The following TIPARP variants were observed in gnomAD, a reference collection of about 807,000 sequenced individuals.
TIPARP encodes the protein TCDD inducible poly(ADP-ribose) polymerase.
TIPARP carries 12 observed loss-of-function variants against 56.5 expected under a neutral mutation model. The ratio of observed to expected loss-of-function variants is 0.21; its 90% CI spans 0.14 to 0.34. TIPARP has a LOEUF of 0.34. Among genes scored for constraint, TIPARP ranks in the 10% least tolerant of loss-of-function variants. The pLI is 1.00. For synonymous variants in TIPARP, 296 were observed against 265.7 expected, an observed-to-expected ratio of 1.11 and a Z score of -1.11; for missense variants, 604 against 781.6, an observed-to-expected ratio of 0.77 and a Z score of 2.71.
intron 2 of TIPARP, among the ~76,000 whole-genome samples, chr3:156,688,532 G>C (rs961425747): frequency 6.7e-6 from 1 of 149,602 alleles, no homozygotes; most frequent in African/African-American, 2.5e-5. Flanking sequence ...GGCAGTGTTA[G>C]CAAAAATCTT....
chr3:156,684,407 C>G (rs991485895), intron 2 of TIPARP, among the ~76,000 whole-genome samples: 7 of 152,160 alleles, frequency 4.6e-5, no homozygotes, highest in Admixed American at 2.6e-4. Context: ...TTCTGAAGTT[C>G]ACCATTTCTA....
chr3:156,686,761 A>G (rs1248502564), intron 2 of TIPARP, among the ~76,000 whole-genome samples: 1 of 152,180 alleles, frequency 6.6e-6, no homozygotes, highest in Non-Finnish European at 1.5e-5. Context: ...TATTTTTATG[A>G]TAACTATAAC....
At chr3:156,686,972 CATTTTTT>C (rs1484605943) in intron 2 of TIPARP, among the ~76,000 whole-genome samples, 2 of 151,960 alleles carry the variant, frequency 1.3e-5, no homozygotes, top group African/African-American at 4.8e-5. Context: ...ACATGGGAGG[CATTTTTT>C]ATTGTTTACT....
rs1722863933 is a variant in TIPARP at position 156,702,130 on chromosome 3, A to C, written c.1248-1294A>C. 2.0e-5 allele frequency among the ~76,000 whole-genome samples: 3 copies of C among 151,314 alleles called. No individual in the cohort carries two copies. The South Asian group carries it at 6.3e-4, about 32-fold the overall frequency. On this transcript the variant is annotated intron_variant, in intron 4 of 5. Coordinates refer to ENST00000295924, the MANE Select transcript of TIPARP (RefSeq NM_015508.5). ...TCAGGCAAAACTAGGTTGGAATCCT[A>C]GTATCCTGTCGATCACTTTCTAGCC...
In TIPARP at chr3:156,691,128, A is replaced by G. The variant is rs374057572; in HGVS notation, c.918-2892A>G. 3.9e-5 allele frequency among the ~76,000 whole-genome samples: 6 copies of G among 152,170 alleles called. No homozygotes were observed. The South Asian group carries it at 6.2e-4, about 16-fold the overall frequency. The stretch of plus-strand genomic sequence containing the variant: ...AGGTCTCCTTTTCCAACTAGTACCA[A>G]TCCTGTCTCCACCCGTCTTTCAAGA... On this transcript the variant is annotated intron_variant, in intron 2 of 5. Transcript: ENST00000295924.
intron 4 of TIPARP, among the ~76,000 whole-genome samples, chr3:156,699,016 A>C (rs935549461): frequency 6.6e-6 from 1 of 152,202 alleles, no homozygotes; most frequent in Non-Finnish European, 1.5e-5. Context: ...TGTGGTGGCA[A>C]TAGCAAGAGA....
intron 1 of TIPARP, among the ~76,000 whole-genome samples, chr3:156,677,104 T>A (rs898883767): frequency 6.6e-6 from 1 of 152,240 alleles, no homozygotes; most frequent in Admixed American, 6.5e-5. Flanking sequence ...CTTTCTCCCA[T>A]AGAACATTTC....
intron 2 of TIPARP, among the ~76,000 whole-genome samples, chr3:156,682,226 C>G (rs981043314): frequency 3.9e-5 from 6 of 152,114 alleles, no homozygotes; most frequent in Non-Finnish European, 7.4e-5. Context: ...CACATGTGAC[C>G]AATGATTATT....
chr3:156,683,226 C>G (rs1309338800), intron 2 of TIPARP, among the ~76,000 whole-genome samples: 1 of 151,952 alleles, frequency 6.6e-6, no homozygotes, highest in Non-Finnish European at 1.5e-5. Context: ...GTGGCATTCC[C>G]TAAAAATAAT....
intron 4 of TIPARP, among the ~76,000 whole-genome samples, chr3:156,697,305 A>C (rs959532691): frequency 1.3e-5 from 2 of 152,172 alleles, no homozygotes; most frequent in Non-Finnish European, 2.9e-5. Flanking sequence ...CCAATCAAGC[A>C]AGATAGAACT....
chr3:156,683,232 A>G (rs1286800948), intron 2 of TIPARP, among the ~76,000 whole-genome samples: 1 of 152,190 alleles, frequency 6.6e-6, no homozygotes, highest in African/African-American at 2.4e-5. Context: ...TTCCCTAAAA[A>G]TAATTGCATG....
intron 4 of TIPARP, among the ~76,000 whole-genome samples, chr3:156,702,599 C>T (rs927374352): frequency 2.0e-5 from 3 of 152,166 alleles, no homozygotes; most frequent in Non-Finnish European, 4.4e-5. Flanking sequence ...TGAACTAGGT[C>T]TCAGGGTCAG....
chr3:156,683,630 A>G (rs1202869107), intron 2 of TIPARP, among the ~76,000 whole-genome samples: 1 of 152,134 alleles, frequency 6.6e-6, no homozygotes, highest in African/African-American at 2.4e-5. Flanking sequence ...TCTATTTCCT[A>G]TTATACTAGA....
rs1314626498 is a variant in TIPARP, at chr3:156,677,827, G to T, written c.130G>T (p.Asp44Tyr). ...TPLKTCFKKK[D>Y]QKRLGTGTLR... ...ATTGAAGACTTGTTTTAAGAAAAAG[G>T]ATCAGAAAAGATTGGGAACTGGAAC... The change falls in exon 2 of 6, where the codon GAT becomes TAT. Residue 44 changes from aspartate to tyrosine, a missense_variant. This residue lies in a region of TIPARP where 261 missense variants were observed against 279.2 expected (regional missense o/e 0.93). Coordinates refer to ENST00000295924, the MANE Select transcript of TIPARP (RefSeq NM_015508.5). 1 of 1,614,052 alleles carries T rather than the reference G, an allele frequency of 6.2e-7. No individual in the cohort carries two copies. The highest frequency in any genetic ancestry group is 8.5e-7 in the Non-Finnish European group (1 of 1,180,044).
At chr3:156,704,218 C>T (rs528276164) in intron 5 of TIPARP, among the ~76,000 whole-genome samples, 1 of 152,266 alleles carries the variant, frequency 6.6e-6, no homozygotes, top group East Asian at 1.9e-4. Flanking sequence ...AGAAAGCTTA[C>T]TTTGCTGCAG....
chr3:156,694,936 A>G (rs344015), intron 3 of TIPARP, among the ~76,000 whole-genome samples: 145,888 of 152,238 alleles, frequency 0.96, 69,919 homozygotes, highest in Middle Eastern at 0.99. Flanking sequence ...AGCAAAAGAA[A>G]AAAACCTAGT....
At chr3:156,683,487 G>A (rs1217272983) in intron 2 of TIPARP, among the ~76,000 whole-genome samples, 1 of 151,840 alleles carries the variant, frequency 6.6e-6, no homozygotes, top group Non-Finnish European at 1.5e-5. Context: ...AAGCACTTCC[G>A]ATTTTCAGAT....
chr3:156,683,660 A>G (rs1722359330), intron 2 of TIPARP, among the ~76,000 whole-genome samples: 1 of 152,220 alleles, frequency 6.6e-6, no homozygotes, highest in South Asian at 2.1e-4. Flanking sequence ...TTATACTAGA[A>G]TTTCTAGATC....
chr3:156,703,308 A>T, intron 4 of TIPARP, 116 bp from the exon 5 acceptor site: 1 of 1,090,572 alleles, frequency 9.2e-7, no homozygotes, highest in Non-Finnish European at 1.3e-6. Context: ...CTTTTAAAAT[A>T]AGCACTTAAG....
Sources: gnomAD v4.1 joint callset for allele counts (sites outside exome capture counted in the v4.1 genomes callset) on GRCh38, gnomAD v4.1.1 for gene constraint, gnomAD v4.1.1 regional missense constraint, MANE v1.5 for transcripts, NCBI Gene and HGNC (gene_info 2026-07-23, HGNC 2026-07-21) for gene names.